The following ATP10B variants were observed in gnomAD, a reference collection of about 807,000 sequenced individuals.
The protein encoded by ATP10B is phospholipid-transporting ATPase VB.
In ATP10B, 122 loss-of-function variants were observed where a neutral mutation model predicts 141.2. The observed-to-expected ratio is 0.86, with a 90% CI of 0.75 to 1.00. The LOEUF is 1.00. ATP10B is among the 50% of genes least tolerant of loss of function. ATP10B has a pLI of 0.00. For missense variants in ATP10B, 1,876 were observed against 1,825.3 expected, an observed-to-expected ratio of 1.03 and a Z score of -0.51; for synonymous variants, 685 against 692.0, an observed-to-expected ratio of 0.99 and a Z score of 0.16.
Position 160,828,973 on chromosome 5 carries a change from C to T in ATP10B, c.-576+22968G>A, listed in dbSNP as rs1044309197. 2.2e-4 allele frequency among the ~76,000 whole-genome samples: 31 copies of T among 141,966 alleles called. 1 individual carries two copies. The highest frequency in any genetic ancestry group is 3.3e-3 in the Middle Eastern group (1 of 304). 93.1% of individuals were successfully genotyped at this position (141,966 alleles called of 152,430 possible). A position where few individuals can be genotyped will look rare whatever the true frequency, so the allele number is the denominator to read the frequency against. On this transcript the variant is annotated intron_variant, in intron 1 of 25. Coordinates refer to ENST00000327245, the MANE Select transcript of ATP10B (RefSeq NM_025153.3). ...AACGCAAGGACAAAAAACCAAACAC[C>T]GCATGTTCTCACTCATAGATGGGAA... is the stretch of plus-strand genomic sequence containing the variant.
At chr5:160,750,510 C>T (rs933279700) in intron 2 of ATP10B, among the ~76,000 whole-genome samples, 3 of 152,176 alleles carry the variant, frequency 2.0e-5, no homozygotes, top group African/African-American at 7.2e-5. Context: ...ATTTCCAGAA[C>T]CCATACACAT....
At chr5:160,861,431 AT>A in the ATP10B span, among the ~76,000 whole-genome samples, 1 of 151,942 alleles carries the variant, frequency 6.6e-6, no homozygotes, top group Non-Finnish European at 1.5e-5. Context: ...TTAAAATAAA[AT>A]AACTGAATAC....
chr5:160,732,690 G>T (rs1766830211), intron 2 of ATP10B, among the ~76,000 whole-genome samples: 1 of 152,172 alleles, frequency 6.6e-6, no homozygotes, highest in Non-Finnish European at 1.5e-5. Context: ...TGCTGTTTCA[G>T]TTACTATAGC....
the ATP10B span, among the ~76,000 whole-genome samples, chr5:160,864,832 AT>A: frequency 2.6e-5 from 4 of 152,162 alleles, no homozygotes; most frequent in East Asian, 7.7e-4. Context: ...CTGCAAAAAA[AT>A]AAAATAAAAT....
At chr5:160,785,229 A>G (rs1692794118) in intron 2 of ATP10B, among the ~76,000 whole-genome samples, 1 of 152,020 alleles carries the variant, frequency 6.6e-6, no homozygotes, top group African/African-American at 2.4e-5. Flanking sequence ...CTTGTTATTT[A>G]CGCCACCTTG....
chr5:160,609,543 T>C (rs1757593541), intron 18 of ATP10B, among the ~76,000 whole-genome samples: 1 of 152,118 alleles, frequency 6.6e-6, no homozygotes, highest in African/African-American at 2.4e-5. Flanking sequence ...CACACCTGGC[T>C]AATTTTTATA....
the ATP10B span, among the ~76,000 whole-genome samples, chr5:160,868,961 G>A: frequency 2.2e-3 from 334 of 152,126 alleles, 4 homozygotes; most frequent in Non-Finnish European, 5.0e-4. Flanking sequence ...ATTAACCACC[G>A]GGGAAAAGTA....
At chr5:160,750,024 C>T (rs2127821099) in intron 2 of ATP10B, among the ~76,000 whole-genome samples, 1 of 152,270 alleles carries the variant, frequency 6.6e-6, no homozygotes, top group Middle Eastern at 3.4e-3. Context: ...TGGCTCACCT[C>T]CAAACTTTCA....
At chr5:160,829,382 G>A (rs1357665090) in intron 1 of ATP10B, among the ~76,000 whole-genome samples, 1 of 152,018 alleles carries the variant, frequency 6.6e-6, no homozygotes. Context: ...CTTGAAATTG[G>A]GTAGTTTGAT....
At chr5:160,617,021 T>G (rs571320231) in intron 16 of ATP10B, among the ~76,000 whole-genome samples, 1 of 152,180 alleles carries the variant, frequency 6.6e-6, no homozygotes, top group African/African-American at 2.4e-5. Context: ...CTAAAAGTAG[T>G]GAGATTGGGA....
intron 3 of ATP10B, among the ~76,000 whole-genome samples, chr5:160,698,485 A>G (rs1764498700): frequency 6.6e-6 from 1 of 152,202 alleles, no homozygotes; most frequent in Admixed American, 6.5e-5. Flanking sequence ...ATTAATTAAT[A>G]CCAGAATTAT....
chr5:160,653,311 CATAG>C (rs1232649805), intron 7 of ATP10B, among the ~76,000 whole-genome samples: 23 of 125,468 alleles, frequency 1.8e-4, no homozygotes, highest in African/African-American at 6.9e-4. Context: ...TACATACATA[CATAG>C]GTAGTATATA....
chr5:160,902,185 C>T, the ATP10B span, among the ~76,000 whole-genome samples: 5 of 152,186 alleles, frequency 3.3e-5, no homozygotes, highest in Non-Finnish European at 5.9e-5. Flanking sequence ...ATAGAAGTCA[C>T]TTGCTCTTTT....
chr5:160,811,114 C>T (rs1466224667), intron 1 of ATP10B, among the ~76,000 whole-genome samples: 2 of 152,174 alleles, frequency 1.3e-5, no homozygotes, highest in East Asian at 3.9e-4. Context: ...CAGTCCCAGT[C>T]CTGGCAGGAC....
At chr5:160,599,764 G>A (rs1209313336) in intron 21 of ATP10B, among the ~76,000 whole-genome samples, 1 of 152,140 alleles carries the variant, frequency 6.6e-6, no homozygotes, top group African/African-American at 2.4e-5. Flanking sequence ...CTCTCTTGTG[G>A]GTGGGCTGGG....
intron 1 of ATP10B, among the ~76,000 whole-genome samples, chr5:160,792,609 C>T (rs1343551478): frequency 6.6e-6 from 1 of 152,110 alleles, no homozygotes; most frequent in Non-Finnish European, 1.5e-5. Context: ...GAGATGGAAC[C>T]CACATGTCAA....
At chr5:160,623,324 A>C (rs571382490) in intron 13 of ATP10B, among the ~76,000 whole-genome samples, 1 of 152,182 alleles carries the variant, frequency 6.6e-6, no homozygotes, top group African/African-American at 2.4e-5. Flanking sequence ...TGTCCACAGG[A>C]GTCAGGCATG....
intron 23 of ATP10B, among the ~76,000 whole-genome samples, chr5:160,590,562 CT>C (rs59164696): frequency 0.8 from 121,697 of 152,152 alleles, 48,802 homozygotes; most frequent in Middle Eastern, 0.87. Flanking sequence ...ATTCTTGCTA[CT>C]TTTTTTCAGA....
intron 24 of ATP10B, among the ~76,000 whole-genome samples, chr5:160,579,969 A>G (rs1233672922): frequency 6.6e-6 from 1 of 151,740 alleles, no homozygotes; most frequent in East Asian, 1.9e-4. Context: ...CTGTTTGTCT[A>G]TTATTGGTGT....
Sources: allele counts gnomAD v4.1 joint callset (sites outside exome capture counted in the v4.1 genomes callset), GRCh38; gene constraint gnomAD v4.1.1; transcripts MANE v1.5; gene names NCBI Gene and HGNC (gene_info 2026-07-23, HGNC 2026-07-21).